The following ANO6 variants were observed in gnomAD, a reference collection of about 807,000 sequenced individuals.
ANO6 encodes anoctamin-6.
Under a neutral mutation model 117.5 loss-of-function variants are expected in ANO6, and 106 were observed. The observed-to-expected ratio is 0.90, with a 90% confidence interval of 0.77 to 1.06. The LOEUF (loss-of-function observed/expected upper bound fraction) is 1.06. Among genes scored for constraint, ANO6 ranks in the 50% least tolerant of loss-of-function variants. The pLI is 0.00. For synonymous variants in ANO6, 367 were observed against 385.1 expected (o/e 0.95, Z 0.55); for missense variants, 955 against 1,121.1 (o/e 0.85, Z 2.12).
intron 1 of ANO6, among the ~76,000 whole-genome samples, chr12:45,229,876 C>G (rs1310457264): frequency 1.6e-5 from 2 of 124,640 alleles, no homozygotes; most frequent in African/African-American, 3.0e-5. Flanking sequence ...CCGCCCACCC[C>G]CCACCCGTAA....
chr12:45,404,087 C>G (rs990419343), intron 15 of ANO6, among the ~76,000 whole-genome samples: 12 of 152,116 alleles, frequency 7.9e-5, no homozygotes, highest in African/African-American at 2.9e-4. Context: ...CATTAAGAGA[C>G]TACTGTAGGA....
chr12:45,373,342 A>T (rs1178148450), intron 9 of ANO6, among the ~76,000 whole-genome samples: 5 of 151,372 alleles, frequency 3.3e-5, no homozygotes, highest in African/African-American at 1.2e-4. Flanking sequence ...AATTGAACTC[A>T]GCTCTGCACC....
At chr12:45,390,555 A>T in intron 12 of ANO6, 57 bp downstream of exon 12, 1 of 1,421,440 alleles carries the variant, frequency 7.0e-7, no homozygotes, top group Non-Finnish European at 9.9e-7. Flanking sequence ...TATGTAACAG[A>T]TTTTTTTAAT....
At chr12:45,439,662 T>G (rs1450208807) in intron 19 of ANO6, 6 of 1,307,708 alleles carry the variant, frequency 4.6e-6, no homozygotes, top group Non-Finnish European at 4.8e-6. Flanking sequence ...TTTTTTTTTT[T>G]TTTTTGAGAC....
intron 2 of ANO6, among the ~76,000 whole-genome samples, chr12:45,309,904 A>G (rs948786166): frequency 3.9e-5 from 6 of 152,310 alleles, no homozygotes; most frequent in African/African-American, 1.4e-4. Context: ...AAACAAAGGA[A>G]CATTAATTTG....
intron 12 of ANO6, among the ~76,000 whole-genome samples, chr12:45,399,759 T>G (rs1942734936): frequency 6.6e-6 from 1 of 152,176 alleles, no homozygotes; most frequent in Non-Finnish European, 1.5e-5. Context: ...GGTTCTCTTC[T>G]AGGATGGAGA....
At chr12:45,389,308 T>C (rs1942380546) in intron 11 of ANO6, among the ~76,000 whole-genome samples, 1 of 152,220 alleles carries the variant, frequency 6.6e-6, no homozygotes, top group South Asian at 2.1e-4. Flanking sequence ...TAGTTCCTGC[T>C]GTTTACTAGA....
Position 45,430,812 on chromosome 12 carries a change from C to G in ANO6, c.*1501C>G. On this transcript the variant is annotated 3_prime_UTR_variant, in exon 20 of 20. Coordinates refer to ENST00000320560, the MANE Select transcript of ANO6 (RefSeq NM_001025356.3). ...GGCCTCCTGGGCGCTCTGGAAAAGA[C>G]AGGGAGCCAGGCCCTCTCACCCCTA... 4.1e-6 allele frequency: 4 copies of G among 985,422 alleles called. No individual in the cohort carries two copies. The highest frequency in any genetic ancestry group is 4.8e-6 in the Non-Finnish European group (4 of 830,012). 61.0% of individuals were successfully genotyped at this position (985,422 alleles called of 1,614,324 possible).
chr12:45,318,596 T>G (rs1466703340), intron 2 of ANO6, among the ~76,000 whole-genome samples: 1 of 152,210 alleles, frequency 6.6e-6, no homozygotes, highest in Non-Finnish European at 1.5e-5. Context: ...AGGATTGACT[T>G]GGCAATGCGG....
chr12:45,232,373 A>C (rs758043887), intron 1 of ANO6, among the ~76,000 whole-genome samples: 19 of 152,202 alleles, frequency 1.2e-4, no homozygotes, highest in Non-Finnish European at 2.4e-4. Flanking sequence ...GAAGACAAAC[A>C]TACCAACAGA....
At chr12:45,257,938 CAGGTTTATTTTTA>C (rs1170072207) in intron 1 of ANO6, among the ~76,000 whole-genome samples, 3 of 151,846 alleles carry the variant, frequency 2.0e-5, no homozygotes, top group Non-Finnish European at 4.4e-5. Flanking sequence ...GTTTTTTTTC[CAGGTTTATTTTTA>C]GGTTTATCAC....
chr12:45,431,569 A>G lies in ANO6; in HGVS notation c.*2258A>G. On this transcript the variant is annotated 3_prime_UTR_variant, in exon 20 of 20. Coordinates refer to ENST00000320560, the MANE Select transcript of ANO6 (RefSeq NM_001025356.3). ...CCCTCTACATATTGAAAGGCACCAAATGTAATATCTGACACTGTTAAGATG... is the reference window on the plus strand; with the variant it reads ...CCCTCTACATATTGAAAGGCACCAAGTGTAATATCTGACACTGTTAAGATG... 1.0e-6 allele frequency: 1 copy of G among 985,468 alleles called. No homozygotes were observed. The highest frequency in any genetic ancestry group is 1.2e-6 in the Non-Finnish European group (1 of 829,942). The allele number at this position is 985,468 out of a possible 1,614,324, so 61.0% of individuals were successfully genotyped here. A position where few individuals can be genotyped will look rare whatever the true frequency, so the allele number is the denominator to read the frequency against.
At position 45,409,495 on chromosome 12, in the gene ANO6, G is replaced by A; in HGVS notation, c.2011+8G>A. On this transcript the variant is annotated splice_region_variant and intron_variant, in intron 16 of 19. Transcript: ENST00000320560. ...ATGAATATCTTGAAATGAGTAAGTTGTTAGTGAAGTTTTTAGTGATATAAA... is the reference window on the plus strand; with the variant it reads ...ATGAATATCTTGAAATGAGTAAGTTATTAGTGAAGTTTTTAGTGATATAAA... The A allele has an allele frequency of 6.2e-7, 1 of 1,612,490 alleles. No homozygotes were observed. The highest frequency in any genetic ancestry group is 8.5e-7 in the Non-Finnish European group (1 of 1,179,528).
At chr12:45,356,723 G>C (rs1304293007) in intron 7 of ANO6, among the ~76,000 whole-genome samples, 1 of 152,076 alleles carries the variant, frequency 6.6e-6, no homozygotes. Context: ...GGGGAAAGAG[G>C]TGGAGGAAGT....
In ANO6 at chr12:45,230,347, G is replaced by T. The variant is rs536323278; in HGVS notation, c.70+13956G>T. Among the ~76,000 whole-genome samples the T allele has an allele frequency of 4.6e-5, 7 of 151,694 alleles. No homozygotes were observed. The South Asian group carries it at 8.3e-4, about 18-fold the overall frequency. ...CAGCTTCTTATAACTTTGGGGCCTT[G>T]GTTTCCATATCAGAAAAATGTAGGG... On this transcript the variant is annotated intron_variant, in intron 1 of 19. Transcript: ENST00000320560.
At chr12:45,278,375 G>T (rs1368812512) in intron 1 of ANO6, among the ~76,000 whole-genome samples, 2 of 152,146 alleles carry the variant, frequency 1.3e-5, no homozygotes, top group African/African-American at 4.8e-5. Flanking sequence ...ACAGTTACTT[G>T]CCTTCCATTT....
At chr12:45,265,022 A>G (rs1233173225) in intron 1 of ANO6, among the ~76,000 whole-genome samples, 1 of 152,172 alleles carries the variant, frequency 6.6e-6, no homozygotes, top group Non-Finnish European at 1.5e-5. Flanking sequence ...TATGAGTGAA[A>G]GGAGCAATTC....
chr12:45,408,492 A>T (rs1391971390), intron 15 of ANO6, among the ~76,000 whole-genome samples: 1 of 152,220 alleles, frequency 6.6e-6, no homozygotes, highest in Non-Finnish European at 1.5e-5. Context: ...AAAAAGAGAC[A>T]GTGGGTAGCT....
chr12:45,230,373 A>G (rs1947556679), intron 1 of ANO6, among the ~76,000 whole-genome samples: 4 of 151,500 alleles, frequency 2.6e-5, no homozygotes, highest in Admixed American at 2.6e-4. Flanking sequence ...AAATGTAGGG[A>G]TAATACAGAA....
Sources: allele counts gnomAD v4.1 joint callset (sites outside exome capture counted in the v4.1 genomes callset), GRCh38; gene constraint gnomAD v4.1.1; transcripts MANE v1.5; gene names NCBI Gene and HGNC (gene_info 2026-07-23, HGNC 2026-07-21).